RGMA: variants seen among roughly 807,000 people sequenced by gnomAD.
The protein encoded by RGMA is repulsive guidance molecule A.
A neutral mutation model predicts 23.2 loss-of-function variants in RGMA; 10 were observed. The ratio of observed to expected loss-of-function variants is 0.43; its 90% CI spans 0.27 to 0.73. RGMA has a LOEUF of 0.73. Among genes scored for constraint, RGMA ranks in the 30% least tolerant of loss-of-function variants. The pLI is 0.20. For synonymous variants in RGMA, 308 were observed against 279.3 expected (o/e 1.10, Z -1.03); for missense variants, 547 against 630.5 (o/e 0.87, Z 1.42).
chr15:93,071,080 GCCTCTAAGCC>G (rs1406320020), intron 2 of RGMA, among the ~76,000 whole-genome samples: 2 of 152,090 alleles, frequency 1.3e-5, no homozygotes, highest in African/African-American at 4.8e-5. Context: ...TGTTTTAAGG[GCCTCTAAGCC>G]CCTCTTCTCA....
intron 2 of RGMA, among the ~76,000 whole-genome samples, chr15:93,054,611 G>A (rs576758877): frequency 2.0e-4 from 30 of 152,200 alleles, no homozygotes; most frequent in African/African-American, 7.0e-4. Flanking sequence ...AGGCCTCCCC[G>A]GCCATGTGGA....
chr15:93,063,101 T>C (rs960157992), intron 2 of RGMA: 3 of 152,202 alleles, frequency 2.0e-5, no homozygotes, highest in Admixed American at 1.3e-4. Context: ...GAAGAGGCGA[T>C]GGCTTCAATT....
intron 1 of RGMA, among the ~76,000 whole-genome samples, chr15:93,083,290 AC>A (rs1895587254): frequency 6.6e-6 from 1 of 152,240 alleles, no homozygotes; most frequent in Non-Finnish European, 1.5e-5. Flanking sequence ...CAAAGACTCT[AC>A]AAAACCAAAA....
chr15:93,068,492 G>A (rs61445681), intron 2 of RGMA, among the ~76,000 whole-genome samples: 2,061 of 152,234 alleles, frequency 0.014, 46 homozygotes, highest in African/African-American at 0.047. Context: ...TCCTCTGAGC[G>A]CTGGAGTGAC....
At chr15:93,047,458 C>T (rs555514636) in intron 3 of RGMA, among the ~76,000 whole-genome samples, 5 of 152,166 alleles carry the variant, frequency 3.3e-5, no homozygotes, top group African/African-American at 4.8e-5. Context: ...GCACCCAGGC[C>T]TTTTGGGACC....
intron 2 of RGMA, among the ~76,000 whole-genome samples, chr15:93,056,992 C>G (rs1163028960): frequency 1.3e-5 from 2 of 152,128 alleles, no homozygotes; most frequent in Non-Finnish European, 2.9e-5. Context: ...GGGAGCCTGC[C>G]CCTCCCTGGT....
intron 2 of RGMA, among the ~76,000 whole-genome samples, chr15:93,069,097 T>C (rs543987124): frequency 9.9e-6 from 1 of 100,916 alleles, no homozygotes; most frequent in Admixed American, 1.2e-4. Flanking sequence ...CAGGCTGATC[T>C]GCTGATGCAT....
In RGMA at chr15:93,064,513, T is replaced by C. The variant is rs540076202; in HGVS notation, c.130+8403A>G. ...GCAGGCAGGCCTTCCTCCTTCACCT[T>C]CTGCGTGTGGGGGAAGAACAAATGC... On this transcript the variant is annotated intron_variant, in intron 2 of 3. Transcript: ENST00000329082. 2.0e-3 allele frequency among the ~76,000 whole-genome samples: 302 copies of C among 152,322 alleles called. 2 individuals carry two copies. The highest frequency in any genetic ancestry group is 6.9e-3 in the African/African-American group (287 of 41,568).
intron 2 of RGMA, among the ~76,000 whole-genome samples, chr15:93,070,006 T>A (rs755785542): frequency 6.6e-6 from 1 of 152,216 alleles, no homozygotes; most frequent in Non-Finnish European, 1.5e-5. Flanking sequence ...CCTTCCTAGG[T>A]AGACGTGGAC....
intron 1 of RGMA, among the ~76,000 whole-genome samples, chr15:93,083,171 T>C (rs58721213): frequency 0.015 from 2,295 of 152,368 alleles, 58 homozygotes; most frequent in African/African-American, 0.053. Flanking sequence ...CTTAGGTATC[T>C]ACTTGCTCAA....
intron 1 of RGMA, among the ~76,000 whole-genome samples, chr15:93,085,169 T>C (rs141742253): frequency 2.3e-3 from 356 of 152,150 alleles, no homozygotes; most frequent in African/African-American, 8.3e-3. Flanking sequence ...AAACTGTTCC[T>C]GTCAGCCAGG....
rs1421860364 is a variant in RGMA, at chr15:93,045,495, C to G, written c.856G>C (p.Val286Leu). The change falls in exon 4 of 4, where the codon GTG becomes CTG. Residue 286 changes from valine (V) to leucine (L), a missense_variant. Val to Leu is a conservative substitution (Grantham distance 32, BLOSUM62 1). This residue lies in a region of RGMA where 128 missense variants were observed against 191.7 expected (regional missense o/e 0.67). Coordinates refer to ENST00000329082, the MANE Select transcript of RGMA (RefSeq NM_020211.3). The surrounding 1 kb of genome is among the most constrained non-coding windows in gnomAD (Gnocchi z 6.9). ...YIGTTIVVRQVGRYLTFAVRM... is the reference protein window; with the variant it reads ...YIGTTIVVRQLGRYLTFAVRM... ...ACGGCAAAGGTCAGGTAGCGGCCCA[C>G]CTGGCGCACCACGATGGTGGTGCCG... The G allele has an allele frequency of 6.2e-7, 1 of 1,613,292 alleles. No individual in the cohort carries two copies.
At chr15:93,077,222 A>G (rs1329725801) in intron 1 of RGMA, among the ~76,000 whole-genome samples, 1 of 152,232 alleles carries the variant, frequency 6.6e-6, no homozygotes, top group Non-Finnish European at 1.5e-5. Context: ...AGCCCAACCC[A>G]AAGCCTCAAG....
intron 2 of RGMA, among the ~76,000 whole-genome samples, chr15:93,056,343 G>A (rs563261481): frequency 2.0e-5 from 3 of 152,312 alleles, no homozygotes; most frequent in African/African-American, 7.2e-5. Flanking sequence ...GCGCCCCCAG[G>A]AGCAAACAGC....
At chr15:93,053,507 G>A (rs560821437) in intron 2 of RGMA, among the ~76,000 whole-genome samples, 1 of 152,226 alleles carries the variant, frequency 6.6e-6, no homozygotes, top group Non-Finnish European at 1.5e-5. Context: ...CAGCACTCTT[G>A]TCTGGGCCAC....
At position 93,065,883 on chromosome 15, in the gene RGMA, A is replaced by C. The variant is rs1403105007; in HGVS notation, c.130+7033T>G. 5.5e-6 allele frequency: 4 copies of C among 729,350 alleles called. No homozygotes were observed. The African/African-American group carries it at 6.9e-5, about 13-fold the overall frequency. 45.2% of individuals were successfully genotyped at this position (729,350 alleles called of 1,614,324 possible). ...GGGGCTCTTTGGGCTCTACCCCGTC[A>C]GTGCTCTCTGTAGGCTGTTGCTGGC... On this transcript the variant is annotated intron_variant, in intron 2 of 3. Coordinates refer to ENST00000329082, the MANE Select transcript of RGMA (RefSeq NM_020211.3).
intron 1 of RGMA, among the ~76,000 whole-genome samples, chr15:93,076,536 AGAT>A (rs1216120094): frequency 1.3e-5 from 2 of 152,228 alleles, no homozygotes; most frequent in Non-Finnish European, 2.9e-5. Flanking sequence ...TGGTAGAAAC[AGAT>A]AATAGAGAAA....
chr15:93,052,470 C>G lies in RGMA; in HGVS notation c.168G>C (p.Glu56Asp), dbSNP rs773080702. ...GGCTGCCCGACGTGGCGCTCCAGAA[C>G]TCAGAGTTGCACTTGAGGATCTTGC... is the stretch of plus-strand genomic sequence containing the variant. ...SPCKILKCNS[E>D]FWSATSGSHA... is the part of the protein sequence containing the mutation. The change falls in exon 3 of 4, where the codon GAG (glutamate) becomes GAC (aspartate). Residue 56 changes from glutamate to aspartate, a missense_variant. By Grantham distance (45) the Glu-to-Asp change is conservative (BLOSUM62 2). This residue lies in a region of RGMA where 214 missense variants were observed against 234.7 expected (regional missense o/e 0.91). Coordinates refer to ENST00000329082, the MANE Select transcript of RGMA (RefSeq NM_020211.3). The G allele has an allele frequency of 6.3e-7, 1 of 1,586,550 alleles. No individual in the cohort carries two copies. The highest frequency in any genetic ancestry group is 1.1e-5 in the South Asian group (1 of 90,442).
chr15:93,049,487 G>A (rs1046157035), intron 3 of RGMA, among the ~76,000 whole-genome samples: 14 of 152,182 alleles, frequency 9.2e-5, no homozygotes, highest in Non-Finnish European at 1.6e-4. Context: ...GATGGAGCAG[G>A]AGGCTGGGCA....
Sources: gnomAD v4.1 joint callset for allele counts (sites outside exome capture counted in the v4.1 genomes callset) on GRCh38, gnomAD v4.1.1 for gene constraint, gnomAD v4.1.1 regional missense constraint, Gnocchi (gnomAD v3.1) non-coding constraint, MANE v1.5 for transcripts, NCBI Gene and HGNC (gene_info 2026-07-23, HGNC 2026-07-21) for gene names.